RBFOX1: variants seen among roughly 807,000 people sequenced by gnomAD.
The protein encoded by RBFOX1 is RNA binding fox-1 homolog 1, also known as RNA binding protein fox-1 homolog 1.
In RBFOX1, 8 loss-of-function variants were observed where a neutral mutation model predicts 57.7. The ratio of observed to expected loss-of-function variants is 0.14; its 90% CI spans 0.08 to 0.25. The LOEUF (loss-of-function observed/expected upper bound fraction) is 0.25. Ranked by LOEUF, RBFOX1 falls within the 10% of genes least tolerant of loss-of-function variation. RBFOX1 has a pLI of 1.00. For synonymous variants in RBFOX1, 326 were observed against 222.4 expected, an observed-to-expected ratio of 1.47 and a Z score of -4.15; for missense variants, 611 against 548.5, an observed-to-expected ratio of 1.11 and a Z score of -1.14.
chr16:7,423,191 T>C (rs2098560026), intron 4 of RBFOX1, among the ~76,000 whole-genome samples: 1 of 152,128 alleles, frequency 6.6e-6, no homozygotes, highest in African/African-American at 2.4e-5. Flanking sequence ...GACTTGGCCT[T>C]CTTTTAGGAG....
intron 3 of RBFOX1, among the ~76,000 whole-genome samples, chr16:6,754,688 A>G (rs566301031): frequency 1.3e-3 from 197 of 152,120 alleles, no homozygotes; most frequent in African/African-American, 4.5e-3. Context: ...AGAGAGATGC[A>G]GGAAATGGAA....
intron 4 of RBFOX1, among the ~76,000 whole-genome samples, chr16:5,965,255 T>C (rs78691703): frequency 0.021 from 3,236 of 152,282 alleles, 124 homozygotes; most frequent in African/African-American, 0.073. Context: ...TTAATAATAA[T>C]GTGGTGTATA....
At chr16:6,076,760 A>G (rs1053246293) in intron 1 of RBFOX1, among the ~76,000 whole-genome samples, 3 of 152,234 alleles carry the variant, frequency 2.0e-5, no homozygotes, top group Admixed American at 2.0e-4. Context: ...AACTTGTTAC[A>G]TAGATGAAAT....
intron 4 of RBFOX1, among the ~76,000 whole-genome samples, chr16:7,426,471 G>A (rs1011919480): frequency 2.0e-5 from 3 of 152,174 alleles, no homozygotes; most frequent in Non-Finnish European, 4.4e-5. Context: ...TAGTTTTCAA[G>A]CAACAGCGTG....
chr16:7,546,337 AT>A (rs1457032563), intron 5 of RBFOX1, among the ~76,000 whole-genome samples: 1 of 2,218 alleles, frequency 4.5e-4, no homozygotes, highest in African/African-American at 7.3e-4. Context: ...AAAAAATAAA[AT>A]AAAATAAAAT....
rs148971501 is a variant in RBFOX1 at position 5,756,996 on chromosome 16, C to G, written c.319-110307C>G. On this transcript the variant is annotated intron_variant, in intron 3 of 19. Coordinates refer to the RBFOX1 transcript ENST00000641259. The stretch of plus-strand genomic sequence containing the variant: ...CAATGATTTAATGTTATTCTTAACA[C>G]AATAGAAATTTACTAATGATTTAAT... 7.2e-5 allele frequency among the ~76,000 whole-genome samples: 11 copies of G among 152,256 alleles called. No homozygotes were observed. In the East Asian group the frequency reaches 2.1e-3, roughly 29 times the overall value.
At chr16:7,068,683 G>T (rs1322509470) in intron 4 of RBFOX1, among the ~76,000 whole-genome samples, 1 of 152,126 alleles carries the variant, frequency 6.6e-6, no homozygotes, top group South Asian at 2.1e-4. Context: ...GCCCCTCCGG[G>T]TTCAGGAGAT....
chr16:7,147,849 T>C (rs1216085181), intron 4 of RBFOX1, among the ~76,000 whole-genome samples: 1 of 152,218 alleles, frequency 6.6e-6, no homozygotes, highest in Non-Finnish European at 1.5e-5. Flanking sequence ...ATGGGATTGC[T>C]GGGTTGAATG....
chr16:6,140,811 C>G (rs2152700097), intron 1 of RBFOX1, among the ~76,000 whole-genome samples: 1 of 152,322 alleles, frequency 6.6e-6, no homozygotes, highest in African/African-American at 2.4e-5. Context: ...GTTTCCTTCT[C>G]ACTTCTGAAA....
chr16:6,905,198 C>G lies in RBFOX1; in HGVS notation c.-15-146859C>G, dbSNP rs367625561. 3.3e-5 allele frequency among the ~76,000 whole-genome samples: 5 copies of G among 151,908 alleles called. No homozygotes were observed. The East Asian group carries it at 5.8e-4, about 18-fold the overall frequency. ...CTTTATCCATTTTTTTTCTCAATAA[C>G]ACTTGTTCCTTAGCCCTTTCTTCCT... On this transcript the variant is annotated intron_variant, in intron 3 of 15. Transcript: ENST00000550418.
At chr16:5,726,800 T>C (rs1458990252) in intron 3 of RBFOX1, among the ~76,000 whole-genome samples, 1 of 152,244 alleles carries the variant, frequency 6.6e-6, no homozygotes. Context: ...CCACTGTGCT[T>C]TGCCCCTTTA....
intron 2 of RBFOX1, among the ~76,000 whole-genome samples, chr16:6,353,482 T>A (rs17139911): frequency 0.023 from 3,485 of 152,094 alleles, 118 homozygotes; most frequent in Admixed American, 0.093. Flanking sequence ...GTACTTATGG[T>A]CCCTTTTAAG....
At chr16:6,195,857 T>C (rs80161307) in intron 1 of RBFOX1, among the ~76,000 whole-genome samples, 9 of 152,246 alleles carry the variant, frequency 5.9e-5, no homozygotes, top group East Asian at 3.9e-4. Context: ...AAGGGCCAGA[T>C]TGAGTTTATG....
At chr16:7,187,966 A>C (rs535957100) in intron 4 of RBFOX1, among the ~76,000 whole-genome samples, 1 of 152,316 alleles carries the variant, frequency 6.6e-6, no homozygotes, top group East Asian at 1.9e-4. Flanking sequence ...ACTCACAGAG[A>C]GAACAAATCT....
At chr16:7,656,996 C>G (rs1193000646) in intron 12 of RBFOX1, among the ~76,000 whole-genome samples, 1 of 152,158 alleles carries the variant, frequency 6.6e-6, no homozygotes, top group Admixed American at 6.5e-5. Context: ...TCTAAGATGT[C>G]ACCTAACAAA....
intron 2 of RBFOX1, among the ~76,000 whole-genome samples, chr16:6,540,416 A>G (rs1206612996): frequency 3.3e-5 from 5 of 151,902 alleles, no homozygotes; most frequent in African/African-American, 9.7e-5. Flanking sequence ...GATCGAGACT[A>G]TCCTGGCCAA....
chr16:6,677,737 G>T (rs1309956874), intron 3 of RBFOX1, among the ~76,000 whole-genome samples: 1 of 152,132 alleles, frequency 6.6e-6, no homozygotes, highest in Non-Finnish European at 1.5e-5. Flanking sequence ...TAACTTTAAA[G>T]ATAGTGAGCG....
intron 4 of RBFOX1, among the ~76,000 whole-genome samples, chr16:7,123,115 T>A (rs2067581655): frequency 6.6e-6 from 1 of 152,204 alleles, no homozygotes; most frequent in Non-Finnish European, 1.5e-5. Flanking sequence ...TTCTGCTTCC[T>A]AATTGCACAG....
At chr16:7,218,244 T>A (rs1394132325) in intron 4 of RBFOX1, among the ~76,000 whole-genome samples, 1 of 152,208 alleles carries the variant, frequency 6.6e-6, no homozygotes, top group Non-Finnish European at 1.5e-5. Flanking sequence ...GGCCAAATCA[T>A]CTGAAAATCA....
Sources: gnomAD v4.1 joint callset for allele counts (sites outside exome capture counted in the v4.1 genomes callset) on GRCh38, gnomAD v4.1.1 for gene constraint, MANE v1.5 for transcripts, NCBI Gene and HGNC (gene_info 2026-07-23, HGNC 2026-07-21) for gene names.